Variants in RBFOX1 observed in about 807,000 individuals in gnomAD.
RBFOX1 encodes RNA binding protein fox-1 homolog 1.
Under a neutral mutation model 57.7 loss-of-function variants are expected in RBFOX1, and 8 were observed. The observed-to-expected ratio is 0.14, with a 90% CI of 0.08 to 0.25. The LOEUF (loss-of-function observed/expected upper bound fraction) is 0.25. Ranked by LOEUF, RBFOX1 falls within the 10% of genes least tolerant of loss-of-function variation. RBFOX1 has a pLI of 1.00. For missense variants in RBFOX1, 611 were observed against 548.5 expected (o/e 1.11, Z -1.14); for synonymous variants, 326 against 222.4 (o/e 1.47, Z -4.15).
intron 1 of RBFOX1, among the ~76,000 whole-genome samples, chr16:5,298,922 T>C (rs1475766902): frequency 1.8e-5 from 2 of 110,972 alleles, no homozygotes; most frequent in Non-Finnish European, 3.7e-5. Flanking sequence ...GGTGGACTTG[T>C]GTGTTCTATG....
chr16:6,773,897 C>T (rs1297604704), intron 3 of RBFOX1: 3 of 941,788 alleles, frequency 3.2e-6, no homozygotes, highest in African/African-American at 1.8e-5. Context: ...TTTGTGTGGG[C>T]ATGGAGTGCA....
chr16:6,531,375 C>T (rs1351508050), intron 2 of RBFOX1, among the ~76,000 whole-genome samples: 2 of 152,148 alleles, frequency 1.3e-5, no homozygotes, highest in African/African-American at 4.8e-5. Flanking sequence ...GAGCAGGTAC[C>T]AGAGCTCTCA....
At chr16:5,362,660 C>T (rs1192515313) in intron 1 of RBFOX1, among the ~76,000 whole-genome samples, 2 of 152,162 alleles carry the variant, frequency 1.3e-5, no homozygotes, top group East Asian at 1.9e-4. Context: ...CCGCGCCAGG[C>T]CACATCACTG....
chr16:6,387,525 A>G (rs1328734075), intron 2 of RBFOX1, among the ~76,000 whole-genome samples: 1 of 152,050 alleles, frequency 6.6e-6, no homozygotes, highest in African/African-American at 2.4e-5. Context: ...TGAAGCCATT[A>G]GCGTCAACTT....
At chr16:6,645,852 A>G (rs1235541155) in intron 2 of RBFOX1, among the ~76,000 whole-genome samples, 1 of 152,112 alleles carries the variant, frequency 6.6e-6, no homozygotes, top group Non-Finnish European at 1.5e-5. Flanking sequence ...TGCTTCTCTT[A>G]CAAATAGGGA....
chr16:7,314,464 G>A (rs1568167241), intron 4 of RBFOX1, among the ~76,000 whole-genome samples: 1 of 152,142 alleles, frequency 6.6e-6, no homozygotes, highest in Non-Finnish European at 1.5e-5. Flanking sequence ...CCTGTGTGCG[G>A]TTGTGTATGT....
At chr16:6,104,267 C>T (rs538422759) in intron 1 of RBFOX1, among the ~76,000 whole-genome samples, 117 of 152,254 alleles carry the variant, frequency 7.7e-4, no homozygotes, top group Admixed American at 2.8e-3. Context: ...ATTTAAAATA[C>T]GCTTCTTAAG....
intron 4 of RBFOX1, among the ~76,000 whole-genome samples, chr16:7,446,144 A>G (rs2098805869): frequency 1.3e-5 from 2 of 152,222 alleles, no homozygotes; most frequent in African/African-American, 4.8e-5. Flanking sequence ...TTAACACCAG[A>G]GAAGGAAAGA....
rs2072618156 is a variant in RBFOX1 at position 7,504,789 on chromosome 16, A to ATATATATATT, written c.28-13349_28-13348insTTATATATAT. Among the ~76,000 whole-genome samples, 7 of 23,470 alleles carry ATATATATATT rather than the reference A, an allele frequency of 3.0e-4. 1 individual carries two copies. Among genetic ancestry groups the ATATATATATT allele is most frequent in the South Asian group, 3.1e-3 (2 of 642 alleles). 15.4% of individuals were successfully genotyped at this position (23,470 alleles called of 152,430 possible). A position where few individuals can be genotyped will look rare whatever the true frequency, so the allele number is the denominator to read the frequency against. Reference sequence around the variant, plus strand: ...TATATATTTATATATATATATATTTATATATATATATATTTATATATATAT... The same window carrying ATATATATATT: ...TATATATTTATATATATATATATTTATATATATATTTATATATATATATTTATATATATAT... On this transcript the variant is annotated intron_variant, in intron 4 of 15. Coordinates refer to ENST00000550418, the MANE Select transcript of RBFOX1 (RefSeq NM_018723.4).
intron 4 of RBFOX1, among the ~76,000 whole-genome samples, chr16:5,977,426 C>T (rs570952715): frequency 3.9e-5 from 6 of 152,120 alleles, no homozygotes; most frequent in African/African-American, 1.4e-4. Flanking sequence ...TAATGCTCCC[C>T]CAGGGAAACC....
rs146598237 is a variant in RBFOX1 at position 6,732,879 on chromosome 16, T to C, written c.-16+78229T>C. On this transcript the variant is annotated intron_variant, in intron 3 of 15. Coordinates refer to ENST00000550418, the MANE Select transcript of RBFOX1 (RefSeq NM_018723.4). Reference sequence around the variant, plus strand: ...AAACTTTTCACAACAAATTTGCATCTGAAAGTTTGTTGATCCTTGTGTTAT... The same window carrying C: ...AAACTTTTCACAACAAATTTGCATCCGAAAGTTTGTTGATCCTTGTGTTAT... Among the ~76,000 whole-genome samples the C allele has an allele frequency of 8.9e-4, 135 of 152,348 alleles. 2 individuals carry two copies. In the East Asian group the frequency reaches 0.023, roughly 26 times the overall value.
chr16:7,480,790 C>T (rs1005906470), intron 4 of RBFOX1, among the ~76,000 whole-genome samples: 1 of 152,128 alleles, frequency 6.6e-6, no homozygotes. Context: ...AATTAATGAT[C>T]TGCTGGGCCT....
chr16:5,371,313 C>G (rs2065851688), intron 1 of RBFOX1, among the ~76,000 whole-genome samples: 1 of 152,188 alleles, frequency 6.6e-6, no homozygotes, highest in Non-Finnish European at 1.5e-5. Flanking sequence ...CTCATCCAAT[C>G]TGACTAGTGT....
At chr16:5,861,732 G>C (rs2057221122) in intron 3 of RBFOX1, among the ~76,000 whole-genome samples, 1 of 152,174 alleles carries the variant, frequency 6.6e-6, no homozygotes, top group Non-Finnish European at 1.5e-5. Flanking sequence ...GAATTCACCT[G>C]ATCACCAGAG....
intron 3 of RBFOX1, among the ~76,000 whole-genome samples, chr16:7,002,038 A>C (rs2092859054): frequency 9.1e-6 from 1 of 109,606 alleles, no homozygotes; most frequent in Non-Finnish European, 2.0e-5. Context: ...AGGGATGGGC[A>C]TGTGATCAGG....
At chr16:5,280,745 G>A (rs914798311) in intron 1 of RBFOX1, among the ~76,000 whole-genome samples, 2 of 151,396 alleles carry the variant, frequency 1.3e-5, no homozygotes. Flanking sequence ...AGCCTCTAAT[G>A]ATCCTTTTTA....
intron 2 of RBFOX1, chr16:6,483,457 G>C (rs1318139529): frequency 2.6e-6 from 4 of 1,535,438 alleles, no homozygotes; most frequent in Non-Finnish European, 3.5e-6. Context: ...CTCCCGTGCT[G>C]TGTTTTCCCG....
intron 4 of RBFOX1, among the ~76,000 whole-genome samples, chr16:5,902,139 C>T (rs2058318643): frequency 6.6e-6 from 1 of 152,160 alleles, no homozygotes; most frequent in South Asian, 2.1e-4. Context: ...TATTGTTCAC[C>T]TGCCATGAGT....
At chr16:7,477,651 C>G (rs916448592) in intron 4 of RBFOX1, among the ~76,000 whole-genome samples, 5 of 152,176 alleles carry the variant, frequency 3.3e-5, no homozygotes, top group South Asian at 2.1e-4. Flanking sequence ...ATGGTAGTAA[C>G]TACATGCAAG....
Sources: allele counts gnomAD v4.1 joint callset (sites outside exome capture counted in the v4.1 genomes callset), GRCh38; gene constraint gnomAD v4.1.1; transcripts MANE v1.5; gene names NCBI Gene and HGNC (gene_info 2026-07-23, HGNC 2026-07-21).